ADGRL1: variants seen among roughly 807,000 people sequenced by gnomAD.
ADGRL1 encodes adhesion G protein-coupled receptor L1.
A neutral mutation model predicts 148.9 loss-of-function variants in ADGRL1; 31 were observed. That is an observed-to-expected ratio of 0.21 (90% CI 0.16 to 0.28). ADGRL1 has a LOEUF of 0.28. ADGRL1 is among the 10% of genes least tolerant of loss of function. The pLI, the probability that ADGRL1 is intolerant of heterozygous loss-of-function variation, is 1.00. For missense variants in ADGRL1, 1,521 were observed against 2,058.8 expected, an observed-to-expected ratio of 0.74 and a Z score of 5.05; for synonymous variants, 937 against 900.3, an observed-to-expected ratio of 1.04 and a Z score of -0.73.
intron 2 of ADGRL1, among the ~76,000 whole-genome samples, chr19:14,178,212 C>T (rs966594181): frequency 8.5e-5 from 13 of 152,102 alleles, no homozygotes; most frequent in South Asian, 2.1e-4. Context: ...CTTATAAAAA[C>T]GGGCAATTTT....
rs1396903742 is a variant in ADGRL1 at position 14,159,677 on chromosome 19, CT to C, written c.1839+57del. 4.4e-6 allele frequency: 7 copies of C among 1,604,318 alleles called. No homozygotes were observed. The highest frequency in any genetic ancestry group is 2.7e-5 in the African/African-American group (2 of 74,758). On this transcript the variant is annotated intron_variant, in intron 9 of 22. Coordinates refer to ENST00000361434, the MANE Select transcript of ADGRL1 (RefSeq NM_014921.5). The surrounding 1 kb of genome is among the most constrained non-coding windows in gnomAD (Gnocchi z 6.0). Reference sequence around the variant, plus strand: ...CATGCCCTCTTCTCAACCTCCACCCCTAATCCCCCCATCAGCTGGAGCCCAC... The same window carrying C: ...CATGCCCTCTTCTCAACCTCCACCCCAATCCCCCCATCAGCTGGAGCCCAC...
intron 1 of ADGRL1, among the ~76,000 whole-genome samples, chr19:14,203,323 G>A (rs1199313068): frequency 6.6e-6 from 1 of 152,158 alleles, no homozygotes; most frequent in Non-Finnish European, 1.5e-5. Context: ...GGAGAAAGGA[G>A]GGGGTGGAGG....
At chr19:14,192,446 G>C (rs1213801950) in intron 1 of ADGRL1, among the ~76,000 whole-genome samples, 1 of 151,934 alleles carries the variant, frequency 6.6e-6, no homozygotes, top group Non-Finnish European at 1.5e-5. Context: ...TTGCCATGTT[G>C]GTCAGGCTGG....
intron 1 of ADGRL1, 65 bp from the exon 2 acceptor site, chr19:14,183,762 T>G (rs1215379044): frequency 1.6e-6 from 1 of 632,044 alleles, no homozygotes; most frequent in Non-Finnish European, 2.7e-6. Flanking sequence ...CTCCTCCTGC[T>G]GGTGGCTGAG....
In ADGRL1 at chr19:14,183,538, G is replaced by A. The variant is rs1005164582; in HGVS notation, c.65C>T (p.Thr22Ile). Residue 22 changes from threonine to isoleucine, a missense_variant, in exon 2 of 23, where the codon ACC becomes ATC. Coordinates refer to ENST00000361434, the MANE Select transcript of ADGRL1 (RefSeq NM_014921.5). ...CVTAVLVTSATQGLSRAGLPF... is the reference protein window; with the variant it reads ...CVTAVLVTSAIQGLSRAGLPF... ...CCGGCCCCAGCAGCACCTACCTTGGGTGGCCGAGGTGACCAGGACGGCGGT... is the reference window on the plus strand; with the variant it reads ...CCGGCCCCAGCAGCACCTACCTTGGATGGCCGAGGTGACCAGGACGGCGGT... 2.5e-6 allele frequency: 4 copies of A among 1,575,080 alleles called. No homozygotes were observed. The highest frequency in any genetic ancestry group is 2.6e-6 in the Non-Finnish European group (3 of 1,159,984).
At chr19:14,188,223 C>G (rs2145076679) in intron 1 of ADGRL1, among the ~76,000 whole-genome samples, 1 of 152,288 alleles carries the variant, frequency 6.6e-6, no homozygotes, top group East Asian at 1.9e-4. Flanking sequence ...TTGAGCTGGT[C>G]TCCTCACCTC....
chr19:14,173,528 G>A (rs1342033669), intron 3 of ADGRL1, among the ~76,000 whole-genome samples: 2 of 152,196 alleles, frequency 1.3e-5, no homozygotes, highest in African/African-American at 4.8e-5. Flanking sequence ...CAGTGGGTAA[G>A]TGGGGATTAC....
chr19:14,157,477 G>GTACTT lies in ADGRL1; in HGVS notation c.2536-18_2536-17insAAGTA. ...GCCCTGGTACTGGGGACAGGAACAG[G>GTACTT]GGGCACGCTCAGGGCCTTTGGTTTT... On this transcript the variant is annotated splice_polypyrimidine_tract_variant and intron_variant, in intron 13 of 22. Coordinates refer to ENST00000361434, the MANE Select transcript of ADGRL1 (RefSeq NM_014921.5). The surrounding 1 kb of genome is among the most constrained non-coding windows in gnomAD (Gnocchi z 7.5). 1.9e-6 allele frequency: 3 copies of GTACTT among 1,613,046 alleles called. No individual in the cohort carries two copies. Among genetic ancestry groups the GTACTT allele is most frequent in the Non-Finnish European group, 2.5e-6 (3 of 1,179,476 alleles).
chr19:14,173,320 C>T (rs1047680930), intron 3 of ADGRL1, among the ~76,000 whole-genome samples: 2 of 151,978 alleles, frequency 1.3e-5, no homozygotes, highest in Non-Finnish European at 2.9e-5. Context: ...CGGAGAGCAG[C>T]GGTGTGATCA....
intron 3 of ADGRL1, among the ~76,000 whole-genome samples, chr19:14,173,931 A>G (rs1970644937): frequency 6.9e-6 from 1 of 145,302 alleles, no homozygotes. Context: ...GGGGGAGAGC[A>G]AGACTCCGTC....
In ADGRL1 at chr19:14,159,611, T is replaced by G; in HGVS notation, c.1840-27A>C. ...TGCACAGGCAGAGGGCATGGTGCTGTGAGCCCCCCAACACCCTCTAATTCC... is the reference window on the plus strand; with the variant it reads ...TGCACAGGCAGAGGGCATGGTGCTGGGAGCCCCCCAACACCCTCTAATTCC... On this transcript the variant is annotated intron_variant, in intron 9 of 22. Coordinates refer to ENST00000361434, the MANE Select transcript of ADGRL1 (RefSeq NM_014921.5). This position sits in a 1 kb window ranked among gnomAD's most constrained non-coding sequence, Gnocchi z 6.0. 1 of 1,592,684 alleles carries G rather than the reference T, an allele frequency of 6.3e-7. No individual in the cohort carries two copies.
At position 14,161,655 on chromosome 19, in the gene ADGRL1, C is replaced by T. The variant is rs367770430; in HGVS notation, c.1196-29G>A. On this transcript the variant is annotated intron_variant, in intron 5 of 22. Coordinates refer to ENST00000361434, the MANE Select transcript of ADGRL1 (RefSeq NM_014921.5). The surrounding 1 kb of genome is among the most constrained non-coding windows in gnomAD (Gnocchi z 4.4). ...GAGAGGGGATACGAGACAGGGTCAT[C>T]CCCATGCTCAGGGCCATGCCACAGT... 3 of 1,360,608 alleles carry T rather than the reference C, an allele frequency of 2.2e-6. No homozygotes were observed. The highest frequency in any genetic ancestry group is 2.8e-6 in the Non-Finnish European group (3 of 1,056,316). 84.3% of individuals were successfully genotyped at this position (1,360,608 alleles called of 1,614,324 possible). A position where few individuals can be genotyped will look rare whatever the true frequency, so the allele number is the denominator to read the frequency against.
chr19:14,165,959 C>G (rs190928068), intron 4 of ADGRL1, among the ~76,000 whole-genome samples: 5 of 152,278 alleles, frequency 3.3e-5, no homozygotes, highest in Non-Finnish European at 5.9e-5. Flanking sequence ...AAATGGTCAT[C>G]CCTAACATCT....
intron 2 of ADGRL1, among the ~76,000 whole-genome samples, chr19:14,181,941 A>G (rs1184320427): frequency 6.6e-6 from 1 of 152,134 alleles, no homozygotes; most frequent in Non-Finnish European, 1.5e-5. Flanking sequence ...CACTGTGACA[A>G]GGAAGGGACA....
chr19:14,187,670 G>A (rs896820918), intron 1 of ADGRL1, among the ~76,000 whole-genome samples: 2 of 149,012 alleles, frequency 1.3e-5, no homozygotes, highest in African/African-American at 2.5e-5. Context: ...TTACCCCGCC[G>A]CCGCCACCAG....
intron 1 of ADGRL1, among the ~76,000 whole-genome samples, chr19:14,196,995 G>T (rs752837350): frequency 2.0e-5 from 3 of 152,194 alleles, no homozygotes; most frequent in Non-Finnish European, 4.4e-5. Flanking sequence ...TCACCCTGGA[G>T]CTGGGCACAG....
At position 14,157,522 on chromosome 19, in the gene ADGRL1, G is replaced by C; in HGVS notation, c.2536-62C>G. On this transcript the variant is annotated intron_variant, in intron 13 of 22. Transcript: ENST00000361434. This position sits in a 1 kb window ranked among gnomAD's most constrained non-coding sequence, Gnocchi z 7.5. ...GGTTTTGCACGCTGGGCTCAGCCAG[G>C]TGCCAGCCACAGACAGGGCCCTGGG... is the stretch of plus-strand genomic sequence containing the variant. The C allele has an allele frequency of 4.5e-6, 7 of 1,544,062 alleles. 1 individual carries two copies. The South Asian group carries it at 7.9e-5, about 17-fold the overall frequency.
At chr19:14,180,331 C>A (rs1470340759) in intron 2 of ADGRL1, among the ~76,000 whole-genome samples, 1 of 152,210 alleles carries the variant, frequency 6.6e-6, no homozygotes, top group African/African-American at 2.4e-5. Flanking sequence ...TCTCAGCTCA[C>A]TGCAACCTCT....
chr19:14,157,388 A>G lies in ADGRL1; in HGVS notation c.2608T>C (p.Leu870=), dbSNP rs894838227. The G allele has an allele frequency of 6.2e-6, 10 of 1,614,080 alleles. No individual in the cohort carries two copies. The African/African-American group carries it at 9.3e-5, about 15-fold the overall frequency. ...CAGAAGGTGGAGATGCAGATGGCCA[A>G]GCAGACCAGGGAGATCACAATGCCC... ...WVGIVISLVC[L]AICISTFCFL... The change falls in exon 14 of 23, where the codon TTG becomes CTG. Residue 870 remains leucine, a synonymous_variant. Coordinates refer to ENST00000361434, the MANE Select transcript of ADGRL1 (RefSeq NM_014921.5). The surrounding 1 kb of genome is among the most constrained non-coding windows in gnomAD (Gnocchi z 7.5).
Sources: gnomAD v4.1 joint callset for allele counts (sites outside exome capture counted in the v4.1 genomes callset) on GRCh38, gnomAD v4.1.1 for gene constraint, Gnocchi (gnomAD v3.1) non-coding constraint, MANE v1.5 for transcripts, NCBI Gene and HGNC (gene_info 2026-07-23, HGNC 2026-07-21) for gene names.